KCNH8: variants seen among roughly 807,000 people sequenced by gnomAD.
KCNH8 encodes voltage-gated delayed rectifier potassium channel KCNH8.
A neutral mutation model predicts 103.6 loss-of-function variants in KCNH8; 70 were observed. The observed-to-expected ratio is 0.68, with a 90% CI of 0.56 to 0.82. The LOEUF (loss-of-function observed/expected upper bound fraction) is 0.82, where lower values mean the gene tolerates loss of function less well. Among genes scored for constraint, KCNH8 ranks in the 40% least tolerant of loss-of-function variants. The pLI is 0.00. For synonymous variants in KCNH8, 498 were observed against 489.4 expected (o/e 1.02, Z -0.23); for missense variants, 1,217 against 1,329.9 (o/e 0.92, Z 1.32).
chr3:19,279,580 A>AAT lies in KCNH8; in HGVS notation c.311-1617_311-1616insTA, dbSNP rs1165883394. On this transcript the variant is annotated intron_variant, in intron 2 of 15. Coordinates refer to ENST00000328405, the MANE Select transcript of KCNH8 (RefSeq NM_144633.3). ...GATGCCATAGGGCTAAAAAAAAAAAAAAAATAAGGAGGAAATCATGACTCT... is the reference window on the plus strand; with the variant it reads ...GATGCCATAGGGCTAAAAAAAAAAAAATAAAATAAGGAGGAAATCATGACTCT... Among the ~76,000 whole-genome samples the AAT allele has an allele frequency of 9.7e-4, 147 of 152,124 alleles. 1 individual carries two copies. Among genetic ancestry groups the AAT allele is most frequent in the African/African-American group, 2.9e-3 (121 of 41,490 alleles).
chr3:19,288,498 GTGATAGT>G (rs1274908272), intron 3 of KCNH8, among the ~76,000 whole-genome samples: 1 of 151,042 alleles, frequency 6.6e-6, no homozygotes, highest in Non-Finnish European at 1.5e-5. Flanking sequence ...TTTTGTCCTT[GTGATAGT>G]TGGCTGAGAA....
Position 19,450,236 on chromosome 3 carries a change from A to T in KCNH8, c.1506A>T (p.Gln502His), listed in dbSNP as rs1483578828. Residue 502 changes from glutamine to histidine, a missense_variant, in exon 9 of 16, where the codon CAA becomes CAT. Coordinates refer to ENST00000328405, the MANE Select transcript of KCNH8 (RefSeq NM_144633.3). The part of the protein sequence containing the change: ...DFIRVHHLPQ[Q>H]LKQRMLEYFQ... ...TCCGTGTCCATCACTTGCCCCAACA[A>T]CTCAAGCAGAGGATGCTCGAATATT... 5.6e-6 allele frequency: 9 copies of T among 1,613,640 alleles called. No homozygotes were observed. Among genetic ancestry groups the T allele is most frequent in the Non-Finnish European group, 7.6e-6 (9 of 1,179,784 alleles).
chr3:19,151,014 C>T (rs1471148525), intron 1 of KCNH8, among the ~76,000 whole-genome samples: 1 of 148,840 alleles, frequency 6.7e-6, no homozygotes, highest in Non-Finnish European at 1.5e-5. Context: ...CTTTTCCTTT[C>T]TTTTTTTTTT....
At chr3:19,364,953 T>C (rs2065992627) in intron 5 of KCNH8, among the ~76,000 whole-genome samples, 1 of 152,124 alleles carries the variant, frequency 6.6e-6, no homozygotes, top group Non-Finnish European at 1.5e-5. Context: ...CATATGAAAC[T>C]GCAGAGCAGA....
intron 1 of KCNH8, among the ~76,000 whole-genome samples, chr3:19,165,058 G>C (rs150859673): frequency 1.3e-5 from 2 of 152,234 alleles, no homozygotes; most frequent in African/African-American, 4.8e-5. Context: ...GGGGGTGATG[G>C]ATATGGTCAC....
At chr3:19,371,872 C>G (rs2066102088) in intron 5 of KCNH8, among the ~76,000 whole-genome samples, 1 of 150,388 alleles carries the variant, frequency 6.6e-6, no homozygotes, top group African/African-American at 2.5e-5. Context: ...ATAGGGAATC[C>G]TTTCCCCATT....
chr3:19,202,792 A>G (rs1453451027), intron 1 of KCNH8, among the ~76,000 whole-genome samples: 1 of 152,156 alleles, frequency 6.6e-6, no homozygotes, highest in Admixed American at 6.6e-5. Flanking sequence ...TAAAAAAAGA[A>G]ATGTGTTTAT....
intron 1 of KCNH8, among the ~76,000 whole-genome samples, chr3:19,163,572 T>C (rs1453016649): frequency 6.6e-6 from 1 of 152,134 alleles, no homozygotes; most frequent in African/African-American, 2.4e-5. Flanking sequence ...TTTAAAATAA[T>C]TTAATTTTTA....
intron 11 of KCNH8, among the ~76,000 whole-genome samples, chr3:19,501,010 C>A (rs901296613): frequency 5.3e-5 from 8 of 151,564 alleles, no homozygotes; most frequent in Admixed American, 2.0e-4. Context: ...AAAGGATCAA[C>A]AAAATTGACA....
At chr3:19,314,324 G>A (rs1384779067) in intron 3 of KCNH8, among the ~76,000 whole-genome samples, 3 of 151,930 alleles carry the variant, frequency 2.0e-5, no homozygotes, top group Non-Finnish European at 4.4e-5. Flanking sequence ...TGTAATCTCA[G>A]CACTTTGGGA....
intron 11 of KCNH8, among the ~76,000 whole-genome samples, chr3:19,497,610 G>C (rs2068472018): frequency 6.6e-6 from 1 of 152,012 alleles, no homozygotes; most frequent in Non-Finnish European, 1.5e-5. Context: ...GAGTGTGGTT[G>C]GTATGATTTC....
intron 7 of KCNH8, among the ~76,000 whole-genome samples, chr3:19,427,712 C>T (rs1044840078): frequency 9.2e-5 from 14 of 152,094 alleles, no homozygotes; most frequent in Admixed American, 2.6e-4. Flanking sequence ...CATTAAAACC[C>T]CTCCCACCAA....
chr3:19,184,806 T>A (rs1459620931), intron 1 of KCNH8, among the ~76,000 whole-genome samples: 1 of 151,950 alleles, frequency 6.6e-6, no homozygotes. Flanking sequence ...TGAAATTATT[T>A]TTTAGTGCAA....
chr3:19,187,573 A>C lies in KCNH8; in HGVS notation c.76+38778A>C, dbSNP rs146188123. Among the ~76,000 whole-genome samples, 26 of 152,180 alleles carry C rather than the reference A, an allele frequency of 1.7e-4. No homozygotes were observed. The East Asian group carries it at 4.5e-3, about 26-fold the overall frequency. ...AATACTGTTCTGTGATCAGTTACCC[A>C]GAAGTATTCTCTTTCACAATTGGTT... On this transcript the variant is annotated intron_variant, in intron 1 of 15. Coordinates refer to ENST00000328405, the MANE Select transcript of KCNH8 (RefSeq NM_144633.3).
intron 11 of KCNH8, among the ~76,000 whole-genome samples, chr3:19,500,066 A>G (rs547799744): frequency 1.3e-5 from 2 of 152,322 alleles, no homozygotes; most frequent in South Asian, 2.1e-4. Context: ...AGAGACACAC[A>G]TAGGCTCAAA....
chr3:19,526,031 T>C (rs375603324), intron 15 of KCNH8, among the ~76,000 whole-genome samples: 8 of 152,030 alleles, frequency 5.3e-5, no homozygotes, highest in Admixed American at 2.6e-4. Context: ...TTTGAACATG[T>C]CTGAATCTTA....
chr3:19,502,911 G>A (rs2125235176), intron 11 of KCNH8, among the ~76,000 whole-genome samples: 1 of 151,868 alleles, frequency 6.6e-6, no homozygotes, highest in Admixed American at 6.6e-5. Flanking sequence ...GGCAACAAAA[G>A]CCAGAATTGA....
chr3:19,385,089 C>T lies in KCNH8; in HGVS notation c.812-5392C>T, dbSNP rs942687763. On this transcript the variant is annotated intron_variant, in intron 5 of 15. Coordinates refer to ENST00000328405, the MANE Select transcript of KCNH8 (RefSeq NM_144633.3). ...CCTGAGAACTGAGAGATGAACTTGACGACTGATCTCAGATATTTATAGAAA... is the reference window on the plus strand; with the variant it reads ...CCTGAGAACTGAGAGATGAACTTGATGACTGATCTCAGATATTTATAGAAA... Among the ~76,000 whole-genome samples the T allele has an allele frequency of 1.7e-4, 26 of 151,972 alleles. No individual in the cohort carries two copies. In the South Asian group the frequency reaches 3.9e-3, roughly 23 times the overall value.
intron 11 of KCNH8, among the ~76,000 whole-genome samples, chr3:19,474,704 G>GT: frequency 6.6e-6 from 1 of 152,252 alleles, no homozygotes; most frequent in African/African-American, 2.4e-5. Flanking sequence ...ATTTAATGAT[G>GT]TAATTCCACT....
Sources: allele counts gnomAD v4.1 joint callset (sites outside exome capture counted in the v4.1 genomes callset), GRCh38; gene constraint gnomAD v4.1.1; transcripts MANE v1.5; gene names NCBI Gene and HGNC (gene_info 2026-07-23, HGNC 2026-07-21).